Variants in ST8SIA4 observed in about 807,000 individuals in gnomAD.
ST8SIA4 encodes ST8 alpha-N-acetyl-neuraminide alpha-2,8-sialyltransferase 4.
ST8SIA4 carries 15 observed loss-of-function variants against 33.9 expected under a neutral mutation model. The ratio of observed to expected loss-of-function variants is 0.44; its 90% CI spans 0.30 to 0.68. ST8SIA4 has a LOEUF of 0.68. Ranked by LOEUF, ST8SIA4 falls within the 30% of genes least tolerant of loss-of-function variation. The pLI, the probability that ST8SIA4 is intolerant of heterozygous loss-of-function variation, is 0.10. For missense variants in ST8SIA4, 321 were observed against 428.0 expected, an observed-to-expected ratio of 0.75 and a Z score of 2.21; for synonymous variants, 171 against 151.2, an observed-to-expected ratio of 1.13 and a Z score of -0.96.
intron 3 of ST8SIA4, among the ~76,000 whole-genome samples, chr5:100,883,696 G>T (rs546341217): frequency 6.6e-6 from 1 of 152,212 alleles, no homozygotes; most frequent in African/African-American, 2.4e-5. Context: ...CCCCTATACT[G>T]TTCTCGTGGT....
Position 100,859,752 on chromosome 5 carries a change from A to G in ST8SIA4, c.504-3356T>C, listed in dbSNP as rs372720953. ...TAGAATTCATAGGGAATAAATGTTT[A>G]TTTCATGTGTGAGCACCTCAAGATT... On this transcript the variant is annotated intron_variant, in intron 3 of 4. Coordinates refer to ENST00000231461, the MANE Select transcript of ST8SIA4 (RefSeq NM_005668.6). 4.6e-5 allele frequency among the ~76,000 whole-genome samples: 7 copies of G among 152,236 alleles called. No homozygotes were observed. In the East Asian group the frequency reaches 7.7e-4, roughly 17 times the overall value.
chr5:100,860,825 T>G (rs1361698488), intron 3 of ST8SIA4, among the ~76,000 whole-genome samples: 1 of 152,000 alleles, frequency 6.6e-6, no homozygotes, highest in Non-Finnish European at 1.5e-5. Context: ...GAACAAAGAG[T>G]GTTCTATCAT....
At chr5:100,813,912 G>A (rs1750862056) in intron 4 of ST8SIA4, among the ~76,000 whole-genome samples, 1 of 151,936 alleles carries the variant, frequency 6.6e-6, no homozygotes, top group Non-Finnish European at 1.5e-5. Flanking sequence ...CAAAGTCAAT[G>A]ATTAGGAACA....
In ST8SIA4 at chr5:100,882,056, G is replaced by A. The variant is rs905692727; in HGVS notation, c.503+4287C>T. On this transcript the variant is annotated intron_variant, in intron 3 of 4. Transcript: ENST00000231461. ...AAAAGATACTCAAAAATGTGAAAGC[G>A]ACTTTGGAACCGTGTAACAGGCAGA... Among the ~76,000 whole-genome samples the A allele has an allele frequency of 6.6e-5, 10 of 152,148 alleles. No homozygotes were observed. The South Asian group carries it at 1.4e-3, about 22-fold the overall frequency.
intron 3 of ST8SIA4, among the ~76,000 whole-genome samples, chr5:100,859,136 T>C (rs1253227039): frequency 6.6e-6 from 1 of 152,076 alleles, no homozygotes; most frequent in Non-Finnish European, 1.5e-5. Flanking sequence ...ACTCCAGCAA[T>C]TCAGTAGACT....
chr5:100,826,165 G>T (rs1751139449), intron 4 of ST8SIA4, among the ~76,000 whole-genome samples: 1 of 151,916 alleles, frequency 6.6e-6, no homozygotes, highest in Non-Finnish European at 1.5e-5. Context: ...ATAGAATAAA[G>T]AAATTGGAAC....
At chr5:100,814,760 AAC>A (rs1366901105) in intron 4 of ST8SIA4, among the ~76,000 whole-genome samples, 1 of 151,948 alleles carries the variant, frequency 6.6e-6, no homozygotes, top group African/African-American at 2.4e-5. Context: ...TTCGGTATTA[AAC>A]CAGTAACAAA....
At chr5:100,823,575 T>A (rs1751077948) in intron 4 of ST8SIA4, among the ~76,000 whole-genome samples, 1 of 152,244 alleles carries the variant, frequency 6.6e-6, no homozygotes, top group Admixed American at 6.5e-5. Flanking sequence ...TCAGTTTCAT[T>A]TAACTCTTAT....
intron 2 of ST8SIA4, among the ~76,000 whole-genome samples, chr5:100,889,958 A>G (rs1752624691): frequency 6.6e-6 from 1 of 151,898 alleles, no homozygotes; most frequent in Admixed American, 6.6e-5. Flanking sequence ...TTGGAATTCG[A>G]TATTTTACAA....
At chr5:100,876,828 A>G (rs1248696514) in intron 3 of ST8SIA4, among the ~76,000 whole-genome samples, 1 of 152,050 alleles carries the variant, frequency 6.6e-6, no homozygotes, top group Non-Finnish European at 1.5e-5. Context: ...TAGGAAATGA[A>G]AATTGAGCTT....
intron 3 of ST8SIA4, among the ~76,000 whole-genome samples, chr5:100,884,939 C>T (rs1752504841): frequency 6.6e-6 from 1 of 151,710 alleles, no homozygotes; most frequent in Non-Finnish European, 1.5e-5. Flanking sequence ...AGTATTATCA[C>T]CTTTTAAAAT....
At chr5:100,831,363 G>A (rs1022987637) in intron 4 of ST8SIA4, among the ~76,000 whole-genome samples, 16 of 152,086 alleles carry the variant, frequency 1.1e-4, no homozygotes, top group Admixed American at 2.0e-4. Flanking sequence ...TGCCTTGCAG[G>A]TGCCACATCA....
chr5:100,820,084 G>A (rs1751006811), intron 4 of ST8SIA4, among the ~76,000 whole-genome samples: 1 of 152,124 alleles, frequency 6.6e-6, no homozygotes, highest in South Asian at 2.1e-4. Flanking sequence ...TTAATGATGT[G>A]ATCTTGGTCA....
intron 4 of ST8SIA4, 132 bp downstream of exon 4, chr5:100,855,971 T>G (rs1751805905): frequency 2.4e-6 from 2 of 849,756 alleles, no homozygotes; most frequent in East Asian, 5.4e-5. Context: ...GTAAATAGAG[T>G]AACCATTATA....
intron 4 of ST8SIA4, among the ~76,000 whole-genome samples, chr5:100,838,101 G>A (rs1751400156): frequency 6.6e-6 from 1 of 151,986 alleles, no homozygotes; most frequent in African/African-American, 2.4e-5. Context: ...TTATCAGGAT[G>A]TATGAGACAA....
chr5:100,870,058 C>T (rs1443115533), intron 3 of ST8SIA4, among the ~76,000 whole-genome samples: 1 of 152,148 alleles, frequency 6.6e-6, no homozygotes, highest in Non-Finnish European at 1.5e-5. Flanking sequence ...CAAGTGATCT[C>T]ATTGTTCAAT....
Position 100,851,799 on chromosome 5 carries a change from TC to T in ST8SIA4, c.797+4303del, listed in dbSNP as rs567055863. Among the ~76,000 whole-genome samples the T allele has an allele frequency of 4.6e-3, 697 of 152,144 alleles. 3 individuals are homozygous for T. The highest frequency in any genetic ancestry group is 0.013 in the South Asian group (62 of 4,830). ...TTAAAAGTAAGAAAATTAAGTATAA[TC>T]ATCCCACCAAAGTAAAAACAACACT... On this transcript the variant is annotated intron_variant, in intron 4 of 4. Transcript: ENST00000231461.
chr5:100,886,881 T>C (rs1399629000), intron 2 of ST8SIA4, among the ~76,000 whole-genome samples: 1 of 152,106 alleles, frequency 6.6e-6, no homozygotes, highest in East Asian at 1.9e-4. Context: ...AGCACTCCAA[T>C]TATCAAAATA....
chr5:100,854,874 G>T (rs1414997709), intron 4 of ST8SIA4, among the ~76,000 whole-genome samples: 1 of 152,042 alleles, frequency 6.6e-6, no homozygotes, highest in Non-Finnish European at 1.5e-5. Context: ...CACTGCTTCT[G>T]TCTTACATCC....
Sources: gnomAD v4.1 joint callset for allele counts (sites outside exome capture counted in the v4.1 genomes callset) on GRCh38, gnomAD v4.1.1 for gene constraint, MANE v1.5 for transcripts, NCBI Gene and HGNC (gene_info 2026-07-23, HGNC 2026-07-21) for gene names.